Variants in THSD4 observed in about 807,000 individuals in gnomAD.
THSD4 encodes the protein thrombospondin type-1 domain-containing protein 4.
Under a neutral mutation model 119.0 loss-of-function variants are expected in THSD4, and 69 were observed. The ratio of observed to expected loss-of-function variants is 0.58; its 90% CI spans 0.48 to 0.71. THSD4 has a LOEUF of 0.71. Ranked by LOEUF, THSD4 falls within the 30% of genes least tolerant of loss-of-function variation. The pLI is 0.00. For missense variants in THSD4, 1,393 were observed against 1,391.1 expected (o/e 1.00, Z -0.02); for synonymous variants, 524 against 540.4 (o/e 0.97, Z 0.42).
At chr15:71,776,687 T>C (rs1479386038) in intron 17 of THSD4, among the ~76,000 whole-genome samples, 1 of 150,240 alleles carries the variant, frequency 6.7e-6, no homozygotes, top group Non-Finnish European at 1.5e-5. Context: ...TTGTTTGCAC[T>C]AGAAAAAAAA....
chr15:71,639,947 A>G (rs1255893061), intron 7 of THSD4, among the ~76,000 whole-genome samples: 2 of 152,236 alleles, frequency 1.3e-5, no homozygotes, highest in Non-Finnish European at 1.5e-5. Context: ...ATGAGAAATA[A>G]TACATCTTAC....
chr15:71,749,977 C>A (rs2053417784), intron 14 of THSD4, among the ~76,000 whole-genome samples: 1 of 152,134 alleles, frequency 6.6e-6, no homozygotes, highest in Non-Finnish European at 1.5e-5. Flanking sequence ...TGATCTGCCA[C>A]CTCGGCCTCC....
chr15:71,455,304 G>A (rs2047323759), intron 7 of THSD4, among the ~76,000 whole-genome samples: 1 of 152,214 alleles, frequency 6.6e-6, no homozygotes, highest in Non-Finnish European at 1.5e-5. Context: ...GGCTTAGGGT[G>A]TCAGGTTGCA....
intron 2 of THSD4, among the ~76,000 whole-genome samples, chr15:71,150,272 C>T (rs540252295): frequency 6.6e-6 from 1 of 152,302 alleles, no homozygotes; most frequent in African/African-American, 2.4e-5. Context: ...TCAGGAGGAA[C>T]AAGGATTTGG....
intron 7 of THSD4, among the ~76,000 whole-genome samples, chr15:71,591,486 C>T (rs1324685026): frequency 6.6e-6 from 1 of 152,212 alleles, no homozygotes; most frequent in Admixed American, 6.5e-5. Flanking sequence ...TTGGCTGACT[C>T]CCATCTGCAA....
At chr15:71,612,657 A>G (rs1246746034) in intron 7 of THSD4, among the ~76,000 whole-genome samples, 1 of 152,214 alleles carries the variant, frequency 6.6e-6, no homozygotes, top group Non-Finnish European at 1.5e-5. Context: ...AGGCCATTCA[A>G]CTTCCTCTCA....
chr15:71,721,172 G>A (rs774131129), intron 8 of THSD4, among the ~76,000 whole-genome samples: 1 of 151,548 alleles, frequency 6.6e-6, no homozygotes, highest in Non-Finnish European at 1.5e-5. Flanking sequence ...TTTGAGACTA[G>A]CCTGGCCAAC....
chr15:71,492,574 T>A (rs2140703560), intron 7 of THSD4, among the ~76,000 whole-genome samples: 1 of 152,236 alleles, frequency 6.6e-6, no homozygotes, highest in South Asian at 2.1e-4. Context: ...TAGGTTTTGT[T>A]TTGAAGGGAA....
At chr15:71,744,236 T>C (rs930572921) in intron 11 of THSD4, among the ~76,000 whole-genome samples, 5 of 151,602 alleles carry the variant, frequency 3.3e-5, no homozygotes, top group African/African-American at 9.7e-5. Flanking sequence ...TGTATCCTTA[T>C]TAATCCAATG....
chr15:71,772,411 T>A (rs2053838455), intron 17 of THSD4, among the ~76,000 whole-genome samples: 1 of 152,144 alleles, frequency 6.6e-6, no homozygotes, highest in African/African-American at 2.4e-5. Flanking sequence ...TTAACAAGTT[T>A]ATAAGATCTA....
intron 7 of THSD4, among the ~76,000 whole-genome samples, chr15:71,657,869 T>G (rs747734606): frequency 1.3e-5 from 2 of 152,232 alleles, no homozygotes; most frequent in Non-Finnish European, 2.9e-5. Flanking sequence ...ATATAATGTC[T>G]GATTCACAAG....
intron 7 of THSD4, among the ~76,000 whole-genome samples, chr15:71,490,921 G>A (rs949618278): frequency 1.3e-5 from 2 of 152,182 alleles, no homozygotes; most frequent in Non-Finnish European, 2.9e-5. Context: ...TAGATGCCAG[G>A]TGGCCTGCCA....
intron 6 of THSD4, among the ~76,000 whole-genome samples, chr15:71,395,914 G>GAGACACACACACACACAC (rs535919434): frequency 2.8e-4 from 37 of 133,380 alleles, no homozygotes; most frequent in African/African-American, 9.5e-4. Context: ...TTTGAAGAGA[G>GAGACACACACACACACAC]ACACACACAC....
intron 6 of THSD4, among the ~76,000 whole-genome samples, chr15:71,361,030 C>T (rs980082871): frequency 3.4e-4 from 52 of 152,194 alleles, no homozygotes; most frequent in African/African-American, 1.2e-3. Context: ...GAAGAGTTAT[C>T]TAGGCAAAGA....
At chr15:71,653,745 T>G (rs1001012089) in intron 7 of THSD4, among the ~76,000 whole-genome samples, 50 of 152,356 alleles carry the variant, frequency 3.3e-4, no homozygotes, top group Admixed American at 8.5e-4. Flanking sequence ...TGAGATTTTA[T>G]TTTTGAAGTA....
At chr15:71,328,328 G>A (rs758651098) in intron 6 of THSD4, among the ~76,000 whole-genome samples, 1 of 152,174 alleles carries the variant, frequency 6.6e-6, no homozygotes, top group Non-Finnish European at 1.5e-5. Flanking sequence ...ATCGATTGCT[G>A]CATAGCTTGG....
At chr15:71,380,460 G>A in intron 6 of THSD4, among the ~76,000 whole-genome samples, 1 of 152,030 alleles carries the variant, frequency 6.6e-6, no homozygotes, top group East Asian at 1.9e-4. Context: ...ATGAATGGCT[G>A]CATACAAATA....
intron 6 of THSD4, among the ~76,000 whole-genome samples, chr15:71,338,959 G>GA (rs2045525529): frequency 6.6e-6 from 1 of 152,132 alleles, no homozygotes; most frequent in Non-Finnish European, 1.5e-5. Flanking sequence ...TGTTTCTATA[G>GA]AAACAGGTGC....
intron 7 of THSD4, among the ~76,000 whole-genome samples, chr15:71,487,848 G>A (rs2047846550): frequency 6.6e-6 from 1 of 151,704 alleles, no homozygotes; most frequent in Non-Finnish European, 1.5e-5. Context: ...AAAGTTATTG[G>A]CTTCTCTATA....
Sources: allele counts gnomAD v4.1 joint callset (sites outside exome capture counted in the v4.1 genomes callset), GRCh38; gene constraint gnomAD v4.1.1; transcripts MANE v1.5; gene names NCBI Gene and HGNC (gene_info 2026-07-23, HGNC 2026-07-21).